The following VWA8 variants were observed in gnomAD, a reference collection of about 807,000 sequenced individuals.
VWA8 encodes the protein von Willebrand factor A domain-containing protein 8.
A neutral mutation model predicts 241.5 loss-of-function variants in VWA8; 221 were observed. The observed-to-expected ratio is 0.91, with a 90% CI of 0.82 to 1.02. The LOEUF (loss-of-function observed/expected upper bound fraction) is 1.02. VWA8 is among the 50% of genes least tolerant of loss of function. VWA8 has a pLI of 0.00. For missense variants in VWA8, 2,322 were observed against 2,328.7 expected, an observed-to-expected ratio of 1.00 and a Z score of 0.06; for synonymous variants, 852 against 827.1, an observed-to-expected ratio of 1.03 and a Z score of -0.52.
intron 44 of VWA8, 69 bp from the exon 45 acceptor site, chr13:41,568,374 A>G (rs753832045): frequency 7.9e-7 from 1 of 1,259,482 alleles, no homozygotes; most frequent in Non-Finnish European, 1.2e-6. Flanking sequence ...CTGCCCTGGC[A>G]AACCACAGCC....
At chr13:41,573,562 G>GTA (rs1168743361) in intron 43 of VWA8, among the ~76,000 whole-genome samples, 1 of 128,082 alleles carries the variant, frequency 7.8e-6, no homozygotes, top group East Asian at 2.2e-4. Flanking sequence ...ATATATACAC[G>GTA]TATATATATG....
Position 41,778,022 on chromosome 13 carries a change from AAG to A in VWA8, c.2310_2311del (p.Phe771SerfsTer21). 6.2e-7 allele frequency: 1 copy of A among 1,612,496 alleles called. No homozygotes were observed. The highest frequency in any genetic ancestry group is 8.5e-7 in the Non-Finnish European group (1 of 1,179,526). The stretch of plus-strand genomic sequence containing the variant: ...CAATAATAAGTGTTCTCCAAGGAGA[AAG>A]TCTTTCAGCATATCTTCCATCACTA... On this transcript the variant is annotated frameshift_variant, in exon 20 of 45. Coordinates refer to ENST00000379310, the MANE Select transcript of VWA8 (RefSeq NM_015058.2). LOFTEE classifies it high-confidence loss of function.
At chr13:41,695,590 G>A (rs1051538807) in intron 29 of VWA8, among the ~76,000 whole-genome samples, 2 of 152,120 alleles carry the variant, frequency 1.3e-5, no homozygotes, top group Non-Finnish European at 1.5e-5. Context: ...TCTTGACAGA[G>A]GTATATTGTA....
chr13:41,887,290 C>T lies in VWA8; in HGVS notation c.723G>A (p.Leu241=). Residue 241 remains leucine (L), a synonymous_variant, in exon 6 of 45, where the codon TTG becomes TTA. Transcript: ENST00000379310. The stretch of plus-strand genomic sequence containing the variant: ...CAGAATACCTTGGCACTGGCAAGCC[C>T]AAGGCAATCACTCGGAAATTTTCAC... ...RVSENFRVIA[L]GLPVPRYSGN... 6.2e-7 allele frequency: 1 copy of T among 1,613,432 alleles called. No homozygotes were observed. Among genetic ancestry groups the T allele is most frequent in the South Asian group, 1.1e-5 (1 of 90,966 alleles).
At chr13:41,906,216 A>AT (rs1232690675) in intron 4 of VWA8, among the ~76,000 whole-genome samples, 2 of 152,086 alleles carry the variant, frequency 1.3e-5, no homozygotes, top group Admixed American at 6.5e-5. Context: ...CCACTCAGTG[A>AT]TTTTTTACAA....
intron 4 of VWA8, among the ~76,000 whole-genome samples, chr13:41,897,926 G>T (rs916581644): frequency 6.6e-6 from 1 of 152,168 alleles, no homozygotes; most frequent in Non-Finnish European, 1.5e-5. Context: ...TGGTAGAGCC[G>T]AGTGGTCTGT....
chr13:41,843,188 T>G (rs915320054), intron 12 of VWA8, among the ~76,000 whole-genome samples: 1 of 152,120 alleles, frequency 6.6e-6, no homozygotes. Context: ...AAGAAGAGTT[T>G]CACAAGGCAA....
intron 3 of VWA8, among the ~76,000 whole-genome samples, chr13:41,909,054 ATTTT>A (rs199938365): frequency 7.0e-6 from 1 of 143,300 alleles, no homozygotes; most frequent in African/African-American, 2.6e-5. Flanking sequence ...GAGGAAAAAA[ATTTT>A]TTTTTTTTTT....
chr13:41,918,078 C>T (rs1566038759), intron 2 of VWA8, among the ~76,000 whole-genome samples: 1 of 152,092 alleles, frequency 6.6e-6, no homozygotes, highest in African/African-American at 2.4e-5. Context: ...CACGAACTAA[C>T]TGAACTAAAA....
At chr13:41,932,960 T>C (rs1164156435) in intron 2 of VWA8, among the ~76,000 whole-genome samples, 3 of 151,938 alleles carry the variant, frequency 2.0e-5, no homozygotes, top group African/African-American at 7.2e-5. Flanking sequence ...ATATAATAAA[T>C]TACATATTAA....
chr13:41,703,679 T>C (rs1244719908), intron 26 of VWA8, among the ~76,000 whole-genome samples: 1 of 152,210 alleles, frequency 6.6e-6, no homozygotes, highest in African/African-American at 2.4e-5. Context: ...TTTACATACA[T>C]ACTCCTTTGA....
intron 21 of VWA8, among the ~76,000 whole-genome samples, chr13:41,732,541 T>C (rs1305304853): frequency 6.6e-6 from 1 of 151,442 alleles, no homozygotes; most frequent in Non-Finnish European, 1.5e-5. Flanking sequence ...ATAATTTTGA[T>C]GGCAAGTTTG....
At chr13:41,876,831 C>G (rs1211992245) in intron 9 of VWA8, among the ~76,000 whole-genome samples, 1 of 152,086 alleles carries the variant, frequency 6.6e-6, no homozygotes, top group Admixed American at 6.5e-5. Context: ...TAAGAATACT[C>G]TCCGCAGTTC....
At chr13:41,836,808 C>T (rs932038237) in intron 12 of VWA8, among the ~76,000 whole-genome samples, 4 of 152,064 alleles carry the variant, frequency 2.6e-5, no homozygotes, top group African/African-American at 9.7e-5. Context: ...TTTTTTGCTA[C>T]ACAATATGCA....
At chr13:41,883,521 A>T (rs771315278) in intron 8 of VWA8, 30 bp from the exon 9 acceptor site, 42 of 1,511,234 alleles carry the variant, frequency 2.8e-5, no homozygotes, top group Non-Finnish European at 3.8e-5. Flanking sequence ...CATAGGAATG[A>T]GCAAAATTCA....
chr13:41,865,623 T>A (rs1873252520), intron 12 of VWA8, 113 bp downstream of exon 12: 1 of 1,170,086 alleles, frequency 8.5e-7, no homozygotes, highest in South Asian at 1.5e-5. Flanking sequence ...CTATTTTGGT[T>A]CTTTACCTAT....
chr13:41,824,535 C>T (rs1871097242), intron 14 of VWA8, among the ~76,000 whole-genome samples: 1 of 151,954 alleles, frequency 6.6e-6, no homozygotes, highest in Admixed American at 6.6e-5. Context: ...TTAAAGAATG[C>T]TCAGTATATT....
At chr13:41,904,492 T>G in intron 4 of VWA8, among the ~76,000 whole-genome samples, 1 of 152,146 alleles carries the variant, frequency 6.6e-6, no homozygotes, top group East Asian at 1.9e-4. Flanking sequence ...TCCCTCACTC[T>G]TATCTTCTCT....
intron 41 of VWA8, among the ~76,000 whole-genome samples, chr13:41,588,165 A>C (rs529147771): frequency 6.6e-6 from 1 of 152,302 alleles, no homozygotes; most frequent in South Asian, 2.1e-4. Context: ...CCTAAAACAA[A>C]GTTATGTGAT....
Sources: gnomAD v4.1 joint callset for allele counts (sites outside exome capture counted in the v4.1 genomes callset) on GRCh38, gnomAD v4.1.1 for gene constraint, MANE v1.5 for transcripts, NCBI Gene and HGNC (gene_info 2026-07-23, HGNC 2026-07-21) for gene names.